SCHIP1: variants seen among roughly 807,000 people sequenced by gnomAD.
SCHIP1 encodes the protein schwannomin-interacting protein 1.
A neutral mutation model predicts 29.7 loss-of-function variants in SCHIP1; 8 were observed. The observed-to-expected ratio is 0.27, with a 90% CI of 0.16 to 0.49. The LOEUF is 0.49. SCHIP1 is among the 20% of genes least tolerant of loss of function. SCHIP1 has a pLI of 0.99. For synonymous variants in SCHIP1, 76 were observed against 94.9 expected (o/e 0.80, Z 1.16); for missense variants, 193 against 294.6 (o/e 0.66, Z 2.52).
At chr3:159,824,627 G>A in the SCHIP1 span, among the ~76,000 whole-genome samples, 1 of 152,208 alleles carries the variant, frequency 6.6e-6, no homozygotes, top group African/African-American at 2.4e-5. Flanking sequence ...ACCTTGACAG[G>A]CAACCAAGTG....
At chr3:159,677,966 TGCTGGAATTACA>T in the SCHIP1 span, among the ~76,000 whole-genome samples, 1 of 152,302 alleles carries the variant, frequency 6.6e-6, no homozygotes, top group South Asian at 2.1e-4. Context: ...ATCCCCAAAG[TGCTGGAATTACA>T]GGCATGAGCC....
At chr3:159,545,993 G>A in the SCHIP1 span, among the ~76,000 whole-genome samples, 1 of 151,924 alleles carries the variant, frequency 6.6e-6, no homozygotes, top group East Asian at 1.9e-4. Flanking sequence ...TTTATAAGAT[G>A]TATTTATAGG....
the SCHIP1 span, among the ~76,000 whole-genome samples, chr3:159,338,397 T>C: frequency 6.6e-6 from 1 of 152,154 alleles, no homozygotes; most frequent in Non-Finnish European, 1.5e-5. Flanking sequence ...TAGGACCGTC[T>C]ACGTCATGAG....
At chr3:159,387,514 C>A in the SCHIP1 span, 97 of 161,658 alleles carry the variant, frequency 6.0e-4, 2 homozygotes, top group Admixed American at 3.4e-3. Context: ...ATCAGACAGG[C>A]AGCTCTTTAG....
rs750527403 is a variant in SCHIP1, at chr3:159,888,970, G to A, written c.589+27G>A. ...TAAGTGTAAGATATGCTTGAAAATA[G>A]GATATTCAATGTAAAACATTATGGG... On this transcript the variant is annotated intron_variant, in intron 5 of 6. Coordinates refer to ENST00000445224, the Ensembl canonical transcript of SCHIP1. The A allele has an allele frequency of 7.5e-6, 12 of 1,610,174 alleles. No homozygotes were observed. The African/African-American group carries it at 1.6e-4, about 22-fold the overall frequency.
the SCHIP1 span, among the ~76,000 whole-genome samples, chr3:159,640,634 C>T: frequency 6.6e-6 from 1 of 152,034 alleles, no homozygotes; most frequent in Non-Finnish European, 1.5e-5. Flanking sequence ...AATCATTCAC[C>T]CCAAAACAAG....
At chr3:159,490,665 C>G in the SCHIP1 span, among the ~76,000 whole-genome samples, 1 of 151,940 alleles carries the variant, frequency 6.6e-6, no homozygotes, top group African/African-American at 2.4e-5. Context: ...TAAGGTGTAC[C>G]AAAGCTGTGG....
the SCHIP1 span, among the ~76,000 whole-genome samples, chr3:159,452,171 G>A: frequency 6.7e-6 from 1 of 148,168 alleles, no homozygotes; most frequent in African/African-American, 2.5e-5. Context: ...TGGGATACAT[G>A]TGCAGAACAT....
the SCHIP1 span, among the ~76,000 whole-genome samples, chr3:159,494,797 A>G: frequency 1.3e-5 from 2 of 152,158 alleles, no homozygotes; most frequent in African/African-American, 2.4e-5. Flanking sequence ...CAGAGACACA[A>G]CAAAAAAAAA....
chr3:159,502,997 T>G, the SCHIP1 span, among the ~76,000 whole-genome samples: 1 of 152,224 alleles, frequency 6.6e-6, no homozygotes, highest in Non-Finnish European at 1.5e-5. Flanking sequence ...GACCCGCCAA[T>G]CAGATAAGTG....
the SCHIP1 span, among the ~76,000 whole-genome samples, chr3:159,719,678 C>T: frequency 6.6e-6 from 1 of 152,194 alleles, no homozygotes; most frequent in African/African-American, 2.4e-5. Context: ...ACCAAAACTA[C>T]AATGAGATAG....
chr3:159,617,751 G>A, the SCHIP1 span, among the ~76,000 whole-genome samples: 8 of 152,044 alleles, frequency 5.3e-5, no homozygotes, highest in Non-Finnish European at 1.0e-4. Context: ...TCAACCACCA[G>A]GCCTTTGAGT....
the SCHIP1 span, among the ~76,000 whole-genome samples, chr3:159,421,010 C>A: frequency 6.6e-6 from 1 of 152,274 alleles, no homozygotes; most frequent in East Asian, 1.9e-4. Flanking sequence ...GTTTCGAAAA[C>A]CTCATTAAAG....
the SCHIP1 span, among the ~76,000 whole-genome samples, chr3:159,452,158 T>C: frequency 1.3e-5 from 2 of 151,826 alleles, no homozygotes; most frequent in South Asian, 2.1e-4. Flanking sequence ...TTTTTTTAAG[T>C]TCTGGGATAC....
At chr3:159,558,420 G>GGACAATAAGA in the SCHIP1 span, among the ~76,000 whole-genome samples, 1 of 152,132 alleles carries the variant, frequency 6.6e-6, no homozygotes, top group Admixed American at 6.6e-5. Flanking sequence ...GCTTCTTCTA[G>GGACAATAAGA]GACAATAAGA....
At chr3:159,631,583 C>T in the SCHIP1 span, among the ~76,000 whole-genome samples, 1 of 152,156 alleles carries the variant, frequency 6.6e-6, no homozygotes, top group Non-Finnish European at 1.5e-5. Context: ...AAAAGGCCAA[C>T]ATTGTATGGT....
the SCHIP1 span, among the ~76,000 whole-genome samples, chr3:159,567,780 CTTGG>C: frequency 6.6e-6 from 1 of 152,026 alleles, no homozygotes; most frequent in Non-Finnish European, 1.5e-5. Context: ...TCAAAATTGT[CTTGG>C]TTATTTCTCA....
At chr3:159,588,317 T>G in the SCHIP1 span, among the ~76,000 whole-genome samples, 3 of 144,992 alleles carry the variant, frequency 2.1e-5, no homozygotes, top group African/African-American at 8.3e-5. Flanking sequence ...AATGAGGTTG[T>G]TTTTTTTCTT....
chr3:159,686,999 G>A, the SCHIP1 span, among the ~76,000 whole-genome samples: 1 of 152,034 alleles, frequency 6.6e-6, no homozygotes, highest in East Asian at 1.9e-4. Context: ...CTACAGAAGT[G>A]CCCACACTCC....
Sources: allele counts gnomAD v4.1 joint callset (sites outside exome capture counted in the v4.1 genomes callset), GRCh38; gene constraint gnomAD v4.1.1; transcripts MANE v1.5; gene names NCBI Gene and HGNC (gene_info 2026-07-23, HGNC 2026-07-21).